The following ARID4A variants were observed in gnomAD, a reference collection of about 807,000 sequenced individuals.
The protein encoded by ARID4A is AT-rich interactive domain-containing protein 4A.
A neutral mutation model predicts 148.6 loss-of-function variants in ARID4A; 39 were observed. The ratio of observed to expected loss-of-function variants is 0.26; its 90% CI spans 0.20 to 0.34. The LOEUF (loss-of-function observed/expected upper bound fraction) is 0.34. ARID4A is among the 10% of genes least tolerant of loss of function. ARID4A has a pLI of 1.00. For synonymous variants in ARID4A, 475 were observed against 481.2 expected (o/e 0.99, Z 0.17); for missense variants, 1,265 against 1,449.1 (o/e 0.87, Z 2.06).
chr14:58,315,079 A>G (rs150980314), intron 5 of ARID4A, among the ~76,000 whole-genome samples: 2 of 152,302 alleles, frequency 1.3e-5, no homozygotes, highest in African/African-American at 4.8e-5. Context: ...AGATCATGCC[A>G]CTACACTCCA....
intron 16 of ARID4A, among the ~76,000 whole-genome samples, chr14:58,352,119 C>A (rs2034667923): frequency 6.6e-6 from 1 of 152,096 alleles, no homozygotes; most frequent in Non-Finnish European, 1.5e-5. Flanking sequence ...AGTTATTTTT[C>A]TATTATTATG....
At chr14:58,349,982 G>A (rs1312989538) in intron 15 of ARID4A, among the ~76,000 whole-genome samples, 3 of 150,816 alleles carry the variant, frequency 2.0e-5, no homozygotes, top group East Asian at 2.0e-4. Context: ...GGTGGTGCGC[G>A]CCTGTAGTCC....
chr14:58,318,495 A>G, intron 5 of ARID4A, 47 bp from the exon 6 acceptor site: 1 of 1,553,200 alleles, frequency 6.4e-7, no homozygotes, highest in East Asian at 2.2e-5. Context: ...TTAAGTTTTT[A>G]TTTCATTAGT....
chr14:58,303,464 A>G (rs2031356180), intron 3 of ARID4A: 3 of 456,034 alleles, frequency 6.6e-6, no homozygotes, highest in African/African-American at 4.0e-5. Flanking sequence ...TCATAAAATT[A>G]TTGTCATTGG....
intron 3 of ARID4A, 67 bp downstream of exon 3, chr14:58,301,757 T>A: frequency 5.4e-6 from 6 of 1,116,896 alleles, no homozygotes; most frequent in Non-Finnish European, 7.9e-6. Flanking sequence ...AGAGAGAGAC[T>A]GCAAATCAGC....
chr14:58,356,499 C>T lies in ARID4A; in HGVS notation c.1854-2633C>T, dbSNP rs551279059. 2.4e-4 allele frequency among the ~76,000 whole-genome samples: 37 copies of T among 152,116 alleles called. 1 individual carries two copies. The South Asian group carries it at 7.3e-3, about 30-fold the overall frequency. On this transcript the variant is annotated intron_variant, in intron 17 of 23. Coordinates refer to ENST00000355431, the MANE Select transcript of ARID4A (RefSeq NM_002892.4). ...CATTTCCATATAAGTTAATAAAGTA[C>T]AGATGTTTAAAAGCCTAATATGATG...
intron 5 of ARID4A, among the ~76,000 whole-genome samples, chr14:58,311,975 C>G (rs752732731): frequency 5.9e-5 from 9 of 151,994 alleles, no homozygotes; most frequent in African/African-American, 1.9e-4. Flanking sequence ...TTAAATGATA[C>G]AAAATTTCAG....
intron 17 of ARID4A, among the ~76,000 whole-genome samples, chr14:58,354,841 A>G (rs969113188): frequency 6.6e-6 from 1 of 152,194 alleles, no homozygotes; most frequent in Non-Finnish European, 1.5e-5. Context: ...AACAGCAATC[A>G]CCCACATTAG....
intron 23 of ARID4A, among the ~76,000 whole-genome samples, chr14:58,370,566 G>C (rs1260265096): frequency 6.6e-6 from 1 of 151,820 alleles, no homozygotes; most frequent in Admixed American, 6.6e-5. Context: ...CAAAGTGCTG[G>C]AATTACAGGC....
intron 3 of ARID4A, among the ~76,000 whole-genome samples, chr14:58,302,072 T>A (rs900282182): frequency 6.6e-6 from 1 of 152,206 alleles, no homozygotes; most frequent in Non-Finnish European, 1.5e-5. Flanking sequence ...AAAGTTTATT[T>A]TGTGACTGGG....
rs753579226 is a variant in ARID4A at position 58,372,023 on chromosome 14, G to A, written c.*34G>A. The stretch of plus-strand genomic sequence containing the variant: ...TTCTCTACCTTCCCAGCAGTTTGCT[G>A]CCATGGACATAAATCCCCAAACCCT... On this transcript the variant is annotated 3_prime_UTR_variant, in exon 24 of 24. Coordinates refer to ENST00000355431, the MANE Select transcript of ARID4A (RefSeq NM_002892.4). The A allele has an allele frequency of 2.7e-6, 4 of 1,461,558 alleles. No individual in the cohort carries two copies. Among genetic ancestry groups the A allele is most frequent in the Non-Finnish European group, 3.8e-6 (4 of 1,045,698 alleles). The allele number at this position is 1,461,558 out of a possible 1,614,324, so 90.5% of individuals were successfully genotyped here.
chr14:58,365,881 G>A, intron 21 of ARID4A, 143 bp from the exon 22 acceptor site: 1 of 817,122 alleles, frequency 1.2e-6, no homozygotes. Context: ...TTGTTTTTTT[G>A]TTGTTTTTAT....
At chr14:58,359,636 T>C (rs747204352) in intron 18 of ARID4A, among the ~76,000 whole-genome samples, 2 of 152,208 alleles carry the variant, frequency 1.3e-5, no homozygotes, top group African/African-American at 4.8e-5. Context: ...CTACAGACTT[T>C]TTCTCTCTCC....
At position 58,364,858 on chromosome 14, in the gene ARID4A, A is replaced by G; in HGVS notation, c.2769A>G (p.Gln923=). 6.2e-7 allele frequency: 1 copy of G among 1,614,160 alleles called. No homozygotes were observed. Among genetic ancestry groups the G allele is most frequent in the Non-Finnish European group, 8.5e-7 (1 of 1,180,024 alleles). Residue 923 remains glutamine, a synonymous_variant, in exon 20 of 24, where the codon CAA becomes CAG. Coordinates refer to ENST00000355431, the MANE Select transcript of ARID4A (RefSeq NM_002892.4). ...SLIAESNQCI[Q]QLTSERFDSP... is the part of the protein sequence containing the mutation. ...TAGCAGAGTCAAACCAATGCATCCA[A>G]CAACTGACTAGTGAAAGATTTGATA...
At chr14:58,328,438 T>C (rs1355826137) in intron 9 of ARID4A, 122 bp downstream of exon 9, 5 of 605,384 alleles carry the variant, frequency 8.3e-6, no homozygotes, top group Non-Finnish European at 1.4e-5. Context: ...AACTGAGAAG[T>C]TGTTACCTAA....
Position 58,298,607 on chromosome 14 carries a change from C to G in ARID4A, c.-151C>G, listed in dbSNP as rs571253161. On this transcript the variant is annotated 5_prime_UTR_variant, in exon 1 of 24. Transcript: ENST00000355431. ...GGGAACCCGGCGCAGGAACTGCAGC[C>G]GCGGCTGGGAGTGGTGCTGCCCGGA... The G allele has an allele frequency of 6.5e-6, 1 of 152,938 alleles. No individual in the cohort carries two copies. Among genetic ancestry groups the G allele is most frequent in the East Asian group, 1.9e-4 (1 of 5,158 alleles). 9.5% of individuals were successfully genotyped at this position (152,938 alleles called of 1,614,324 possible).
chr14:58,344,671 C>T (rs775520134), intron 11 of ARID4A, 24 bp from the exon 12 acceptor site: 3 of 1,539,166 alleles, frequency 1.9e-6, no homozygotes, highest in Non-Finnish European at 2.7e-6. Context: ...CTGTGCCATA[C>T]ATTTATATAT....
chr14:58,328,440 G>A, intron 9 of ARID4A, 124 bp downstream of exon 9: 1 of 594,112 alleles, frequency 1.7e-6, no homozygotes, highest in Non-Finnish European at 2.8e-6. Context: ...CTGAGAAGTT[G>A]TTACCTAATA....
intron 15 of ARID4A, 28 bp downstream of exon 15, chr14:58,347,906 G>GT: frequency 6.7e-7 from 1 of 1,486,676 alleles, no homozygotes. Flanking sequence ...GTTTTATCTG[G>GT]TTTAAGTATT....
Sources: allele counts gnomAD v4.1 joint callset (sites outside exome capture counted in the v4.1 genomes callset), GRCh38; gene constraint gnomAD v4.1.1; transcripts MANE v1.5; gene names NCBI Gene and HGNC (gene_info 2026-07-23, HGNC 2026-07-21).